The following NBAS variants were observed in gnomAD, a reference collection of about 807,000 sequenced individuals.
The protein encoded by NBAS is NAG/BC035112 fusion.
A neutral mutation model predicts 302.5 loss-of-function variants in NBAS; 219 were observed. That is an observed-to-expected ratio of 0.72 (90% CI 0.65 to 0.81). The LOEUF (loss-of-function observed/expected upper bound fraction) is 0.81, where lower values mean the gene tolerates loss of function less well. Among genes scored for constraint, NBAS ranks in the 30% least tolerant of loss-of-function variants. The pLI is 0.00. For synonymous variants in NBAS, 1,118 were observed against 1,021.6 expected (o/e 1.09, Z -1.80); for missense variants, 2,932 against 2,841.6 (o/e 1.03, Z -0.72).
At chr2:14,849,058 G>A in the NBAS span, among the ~76,000 whole-genome samples, 7 of 150,848 alleles carry the variant, frequency 4.6e-5, no homozygotes, top group Admixed American at 2.0e-4. Context: ...CACCAGCAAC[G>A]GAACAAAGCT....
At chr2:15,472,657 A>C (rs1680011446) in intron 16 of NBAS, among the ~76,000 whole-genome samples, 1 of 152,080 alleles carries the variant, frequency 6.6e-6, no homozygotes, top group African/African-American at 2.4e-5. Context: ...ACCGTGGACC[A>C]GCCCTGGCTC....
chr2:14,938,541 A>G, the NBAS span, among the ~76,000 whole-genome samples: 1 of 152,238 alleles, frequency 6.6e-6, no homozygotes, highest in Non-Finnish European at 1.5e-5. Context: ...ATGGCAAAAC[A>G]TTCTCTAGAA....
At chr2:14,913,649 T>C in the NBAS span, among the ~76,000 whole-genome samples, 2 of 152,134 alleles carry the variant, frequency 1.3e-5, no homozygotes, top group Non-Finnish European at 2.9e-5. Flanking sequence ...TTTGGAAAGA[T>C]AACCTGGCAG....
intron 38 of NBAS, among the ~76,000 whole-genome samples, chr2:15,319,299 A>G (rs775688760): frequency 3.9e-5 from 6 of 152,242 alleles, no homozygotes; most frequent in Non-Finnish European, 8.8e-5. Context: ...GAAAGCAGGA[A>G]AGATATAAAA....
chr2:15,488,835 A>G, intron 12 of NBAS, 59 bp downstream of exon 12: 2 of 1,596,374 alleles, frequency 1.3e-6, no homozygotes, highest in Non-Finnish European at 1.7e-6. Context: ...ATAAAATAAA[A>G]TTAGTATTGT....
chr2:14,807,842 A>G, the NBAS span, among the ~76,000 whole-genome samples: 1 of 152,144 alleles, frequency 6.6e-6, no homozygotes, highest in Non-Finnish European at 1.5e-5. Flanking sequence ...ATTAAATGAG[A>G]TAATTCATAC....
At chr2:14,809,368 C>T in the NBAS span, among the ~76,000 whole-genome samples, 1 of 152,158 alleles carries the variant, frequency 6.6e-6, no homozygotes, top group Admixed American at 6.5e-5. Flanking sequence ...CTGTGTGCAG[C>T]CTAGGGACTT....
chr2:15,341,764 T>C (rs910051523), intron 35 of NBAS, among the ~76,000 whole-genome samples: 15 of 152,182 alleles, frequency 9.9e-5, no homozygotes, highest in Non-Finnish European at 1.5e-5. Context: ...ATCAATATCA[T>C]GATTCACACT....
chr2:15,546,450 C>A (rs543854395), intron 6 of NBAS, among the ~76,000 whole-genome samples: 2 of 152,090 alleles, frequency 1.3e-5, no homozygotes, highest in Middle Eastern at 3.4e-3. Context: ...GTGTTTCAGT[C>A]GGGCATGGTG....
At chr2:15,369,832 T>C (rs1426229761) in intron 31 of NBAS, among the ~76,000 whole-genome samples, 1 of 149,324 alleles carries the variant, frequency 6.7e-6, no homozygotes, top group African/African-American at 2.6e-5. Context: ...CACACACACA[T>C]ACACGTGCAT....
chr2:15,064,564 G>A, the NBAS span, among the ~76,000 whole-genome samples: 1 of 151,224 alleles, frequency 6.6e-6, no homozygotes, highest in Admixed American at 6.6e-5. Context: ...TGAGAAGACC[G>A]AATCAGTAAT....
chr2:14,786,724 G>C, the NBAS span, among the ~76,000 whole-genome samples: 176 of 152,268 alleles, frequency 1.2e-3, 1 homozygote, highest in Non-Finnish European at 2.0e-3. Flanking sequence ...CATTTGCTGA[G>C]GAGAGCTTTA....
the NBAS span, among the ~76,000 whole-genome samples, chr2:14,904,510 C>A: frequency 6.6e-6 from 1 of 152,064 alleles, no homozygotes; most frequent in Non-Finnish European, 1.5e-5. Context: ...TCCAGTATGA[C>A]AGGCTGATAG....
At chr2:15,219,936 G>C (rs1255369703) in intron 47 of NBAS, among the ~76,000 whole-genome samples, 2 of 146,952 alleles carry the variant, frequency 1.4e-5, no homozygotes, top group Non-Finnish European at 3.0e-5. Context: ...CGGATGGGGC[G>C]GCTGGCCGGG....
Position 15,474,185 on chromosome 2 carries a change from T to G in NBAS, c.1481A>C (p.Tyr494Ser), listed in dbSNP as rs1680084551. Reference protein sequence around the residue: ...RYFGYIKQGLYLVTEMERFAP... With the variant: ...RYFGYIKQGLSLVTEMERFAP... ...AAATCGCTCCATTTCAGTCACCAAG[T>G]AAAGGCCCTGTTTTATATAACCAAA... Residue 494 changes from tyrosine to serine, a missense_variant, in exon 15 of 52, where the codon TAC (tyrosine) becomes TCC (serine). Physicochemically the swap from Tyr to Ser is moderately radical, Grantham distance 144. Coordinates refer to ENST00000281513, the MANE Select transcript of NBAS (RefSeq NM_015909.4). The G allele has an allele frequency of 6.2e-7, 1 of 1,614,014 alleles. No homozygotes were observed. Among genetic ancestry groups the G allele is most frequent in the African/African-American group, 1.3e-5 (1 of 74,902 alleles).
the NBAS span, among the ~76,000 whole-genome samples, chr2:14,834,298 C>T: frequency 6.6e-6 from 1 of 152,150 alleles, no homozygotes; most frequent in African/African-American, 2.4e-5. Context: ...ACAACCCCAT[C>T]TTTGCTGTGG....
the NBAS span, among the ~76,000 whole-genome samples, chr2:14,976,676 A>C: frequency 6.6e-6 from 1 of 152,198 alleles, no homozygotes; most frequent in Non-Finnish European, 1.5e-5. Context: ...AATGTAATCA[A>C]GTTTGGGACC....
intron 48 of NBAS, among the ~76,000 whole-genome samples, chr2:15,204,165 G>A (rs923705369): frequency 1.3e-5 from 2 of 151,902 alleles, no homozygotes; most frequent in Non-Finnish European, 1.5e-5. Flanking sequence ...GAAGGCTGAG[G>A]TAAGAGGATC....
the NBAS span, among the ~76,000 whole-genome samples, chr2:14,853,666 C>G: frequency 1.0e-5 from 1 of 97,498 alleles, no homozygotes; most frequent in Non-Finnish European, 2.0e-5. Context: ...AGACTTGGAA[C>G]CAACCCAAAT....
Sources: allele counts gnomAD v4.1 joint callset (sites outside exome capture counted in the v4.1 genomes callset), GRCh38; gene constraint gnomAD v4.1.1; transcripts MANE v1.5; gene names NCBI Gene and HGNC (gene_info 2026-07-23, HGNC 2026-07-21).